The following CDK5RAP2 variants were observed in gnomAD, a reference collection of about 807,000 sequenced individuals.
CDK5RAP2 encodes CDK5 regulatory subunit associated protein 2.
Under a neutral mutation model 232.9 loss-of-function variants are expected in CDK5RAP2, and 147 were observed. That is an observed-to-expected ratio of 0.63 (90% CI 0.55 to 0.72). The LOEUF (loss-of-function observed/expected upper bound fraction) is 0.72. Ranked by LOEUF, CDK5RAP2 falls within the 30% of genes least tolerant of loss-of-function variation. The probability of loss-of-function intolerance (pLI) is 0.00; values close to 1 mark genes in which losing one functional copy is unlikely to be tolerated. For synonymous variants in CDK5RAP2, 833 were observed against 833.7 expected (o/e 1.00, Z 0.01); for missense variants, 2,195 against 2,231.5 (o/e 0.98, Z 0.33).
chr9:120,458,962 A>G (rs1457673340), intron 19 of CDK5RAP2, among the ~76,000 whole-genome samples: 1 of 152,190 alleles, frequency 6.6e-6, no homozygotes, highest in Non-Finnish European at 1.5e-5. Context: ...ACCTCAGGTG[A>G]CATGTCTTAC....
chr9:120,508,638 C>T (rs528082983), intron 12 of CDK5RAP2, among the ~76,000 whole-genome samples: 1 of 152,338 alleles, frequency 6.6e-6, no homozygotes, highest in South Asian at 2.1e-4. Flanking sequence ...GACCCCAAAC[C>T]TTGGCACAGG....
At position 120,465,750 on chromosome 9, in the gene CDK5RAP2, A is replaced by C. The variant is rs146975241; in HGVS notation, c.2106+2110T>G. Among the ~76,000 whole-genome samples, 933 of 152,294 alleles carry C rather than the reference A, an allele frequency of 6.1e-3. 7 individuals carry two copies. Among genetic ancestry groups the C allele is most frequent in the African/African-American group, 0.021 (857 of 41,564 alleles). Reference sequence around the variant, plus strand: ...AAACACAGAAAAAGATTTGTGTCCAAAGACATTCATTAGGAAATTAAAAAT... The same window carrying C: ...AAACACAGAAAAAGATTTGTGTCCACAGACATTCATTAGGAAATTAAAAAT... On this transcript the variant is annotated intron_variant, in intron 18 of 37. Coordinates refer to ENST00000349780, the MANE Select transcript of CDK5RAP2 (RefSeq NM_018249.6).
intron 25 of CDK5RAP2, among the ~76,000 whole-genome samples, chr9:120,436,661 T>C (rs2035598835): frequency 6.6e-6 from 1 of 151,998 alleles, no homozygotes; most frequent in African/African-American, 2.4e-5. Flanking sequence ...AAGATAATAA[T>C]AGAGCGCGTG....
chr9:120,527,717 T>G, intron 10 of CDK5RAP2, 89 bp downstream of exon 10: 1 of 1,486,344 alleles, frequency 6.7e-7, no homozygotes. Context: ...TCTTATAAAC[T>G]TTTTATCTGA....
chr9:120,483,743 G>C lies in CDK5RAP2; in HGVS notation c.1626+3551C>G, dbSNP rs551738607. Among the ~76,000 whole-genome samples the C allele has an allele frequency of 3.9e-5, 6 of 152,348 alleles. No individual in the cohort carries two copies. In the East Asian group the frequency reaches 1.2e-3, roughly 29 times the overall value. On this transcript the variant is annotated intron_variant, in intron 14 of 37. Transcript: ENST00000349780. ...CACAGAGCTAGTGAGTAGTAGGACTGGCATTCTGACACCAAAGCCGGGCAT... is the reference window on the plus strand; with the variant it reads ...CACAGAGCTAGTGAGTAGTAGGACTCGCATTCTGACACCAAAGCCGGGCAT...
intron 26 of CDK5RAP2, among the ~76,000 whole-genome samples, chr9:120,421,960 G>A (rs2034593510): frequency 6.6e-6 from 1 of 152,244 alleles, no homozygotes; most frequent in African/African-American, 2.4e-5. Context: ...TTTATATGGT[G>A]AGAACTAGTA....
At chr9:120,568,203 C>T (rs1426888931) in intron 3 of CDK5RAP2, 118 bp downstream of exon 3, 3 of 811,284 alleles carry the variant, frequency 3.7e-6, no homozygotes, top group African/African-American at 1.7e-5. Flanking sequence ...GACATGGCAC[C>T]CCCCTGCCTC....
rs1588362105 is a variant in CDK5RAP2 at position 120,447,801 on chromosome 9, T to G, written c.3025+94A>C. ...CAATTCATGAAATTTATACTCAAAC[T>G]TATTGCAATTCTAAACAACAAGGTT... is the stretch of plus-strand genomic sequence containing the variant. On this transcript the variant is annotated intron_variant, in intron 22 of 37. Transcript: ENST00000349780. 3 of 927,386 alleles carry G rather than the reference T, an allele frequency of 3.2e-6. No homozygotes were observed. In the South Asian group the frequency reaches 3.9e-5, roughly 12 times the overall value. 57.4% of individuals were successfully genotyped at this position (927,386 alleles called of 1,614,324 possible). A position where few individuals can be genotyped will look rare whatever the true frequency, so the allele number is the denominator to read the frequency against.
At chr9:120,428,825 A>C (rs186659783) in intron 25 of CDK5RAP2, among the ~76,000 whole-genome samples, 1 of 152,132 alleles carries the variant, frequency 6.6e-6, no homozygotes, top group African/African-American at 2.4e-5. Flanking sequence ...TTTAGACCAA[A>C]ATCCTTGATG....
intron 12 of CDK5RAP2, chr9:120,517,991 C>T (rs994684552): frequency 9.5e-6 from 2 of 209,772 alleles, no homozygotes; most frequent in Non-Finnish European, 2.0e-5. Context: ...ATCTAAATGC[C>T]GTTCAAAAAA....
Position 120,401,021 on chromosome 9 carries a change from A to G in CDK5RAP2, c.5308-136T>C, listed in dbSNP as rs2032964408. The stretch of plus-strand genomic sequence containing the variant: ...CTGAGCGAAAGCCTGGTACCACATA[A>G]CACCAATTTATTGTTCTTAAAGACT... On this transcript the variant is annotated intron_variant, in intron 34 of 37. Coordinates refer to ENST00000349780, the MANE Select transcript of CDK5RAP2 (RefSeq NM_018249.6). The G allele has an allele frequency of 3.7e-6, 3 of 816,866 alleles. No homozygotes were observed. In the South Asian group the frequency reaches 5.0e-5, roughly 14 times the overall value. 50.6% of individuals were successfully genotyped at this position (816,866 alleles called of 1,614,324 possible). A position where few individuals can be genotyped will look rare whatever the true frequency, so the allele number is the denominator to read the frequency against.
At chr9:120,452,020 T>C (rs1304620679) in intron 21 of CDK5RAP2, among the ~76,000 whole-genome samples, 2 of 151,814 alleles carry the variant, frequency 1.3e-5, no homozygotes, top group South Asian at 2.1e-4. Flanking sequence ...TTTTAATATA[T>C]TTGGGGAAAT....
rs116506423 is a variant in CDK5RAP2, at chr9:120,503,222, T to A, written c.1312-11745A>T. ...AATTAATTTATCATTTCTTAAGGACTTGGATTGATGGACTCTCTAGCCTGA... is the reference window on the plus strand; with the variant it reads ...AATTAATTTATCATTTCTTAAGGACATGGATTGATGGACTCTCTAGCCTGA... On this transcript the variant is annotated intron_variant, in intron 12 of 37. Coordinates refer to ENST00000349780, the MANE Select transcript of CDK5RAP2 (RefSeq NM_018249.6). Among the ~76,000 whole-genome samples the A allele has an allele frequency of 6.5e-3, 988 of 152,316 alleles. 14 individuals carry two copies. The highest frequency in any genetic ancestry group is 0.023 in the African/African-American group (943 of 41,556).
At chr9:120,508,243 C>G (rs1378170477) in intron 12 of CDK5RAP2, among the ~76,000 whole-genome samples, 1 of 152,018 alleles carries the variant, frequency 6.6e-6, no homozygotes, top group Admixed American at 6.6e-5. Flanking sequence ...AGGAGAATTT[C>G]CAGAATTAGT....
At chr9:120,445,560 C>G (rs966954964) in intron 22 of CDK5RAP2, among the ~76,000 whole-genome samples, 3 of 152,194 alleles carry the variant, frequency 2.0e-5, no homozygotes, top group Non-Finnish European at 4.4e-5. Flanking sequence ...ACACCAATGA[C>G]TTCCACATTG....
intron 16 of CDK5RAP2, among the ~76,000 whole-genome samples, chr9:120,470,961 T>C (rs1416421013): frequency 6.6e-6 from 1 of 152,192 alleles, no homozygotes; most frequent in Non-Finnish European, 1.5e-5. Flanking sequence ...CTGGCTGAAA[T>C]CTGGGCACGT....
chr9:120,405,086 T>C lies in CDK5RAP2; in HGVS notation c.4964-973A>G, dbSNP rs937387702. ...CTGCACCACTGGGCGGTGGGCTGAC[T>C]GCACTCCAGCATTTCCCAGGGGTGT... On this transcript the variant is annotated intron_variant, in intron 32 of 37. Coordinates refer to ENST00000349780, the MANE Select transcript of CDK5RAP2 (RefSeq NM_018249.6). 2.0e-5 allele frequency among the ~76,000 whole-genome samples: 3 copies of C among 152,286 alleles called. No homozygotes were observed. The East Asian group carries it at 5.8e-4, about 29-fold the overall frequency.
chr9:120,426,305 C>T (rs2034898211), intron 25 of CDK5RAP2, among the ~76,000 whole-genome samples: 1 of 152,108 alleles, frequency 6.6e-6, no homozygotes, highest in Non-Finnish European at 1.5e-5. Context: ...AACATGTGCC[C>T]AAAGTGACTG....
Position 120,433,355 on chromosome 9 carries a change from A to G in CDK5RAP2, c.3955+3940T>C, listed in dbSNP as rs142603893. Among the ~76,000 whole-genome samples the G allele has an allele frequency of 3.5e-3, 531 of 152,370 alleles. 3 individuals carry two copies. Among genetic ancestry groups the G allele is most frequent in the Middle Eastern group, 0.01 (3 of 294 alleles). ...CCAACTCACAGCAAGTACAAATACTAATAAGCACTCAGTACGTAAGAACCA... is the reference window on the plus strand; with the variant it reads ...CCAACTCACAGCAAGTACAAATACTGATAAGCACTCAGTACGTAAGAACCA... On this transcript the variant is annotated intron_variant, in intron 25 of 37. Coordinates refer to ENST00000349780, the MANE Select transcript of CDK5RAP2 (RefSeq NM_018249.6).
Sources: gnomAD v4.1 joint callset for allele counts (sites outside exome capture counted in the v4.1 genomes callset) on GRCh38, gnomAD v4.1.1 for gene constraint, MANE v1.5 for transcripts, NCBI Gene and HGNC (gene_info 2026-07-23, HGNC 2026-07-21) for gene names.